Variants in TMEM232 observed in about 807,000 individuals in gnomAD.
TMEM232 encodes transmembrane protein 232.
Under a neutral mutation model 78.8 loss-of-function variants are expected in TMEM232, and 80 were observed. The ratio of observed to expected loss-of-function variants is 1.01; its 90% CI spans 0.85 to 1.22. The LOEUF is 1.22. Ranked by LOEUF, TMEM232 falls within the 50% of genes most tolerant of loss-of-function variation. TMEM232 has a pLI of 0.00. For synonymous variants in TMEM232, 297 were observed against 254.3 expected (o/e 1.17, Z -1.60); for missense variants, 881 against 742.2 (o/e 1.19, Z -2.17).
chr5:110,628,737 T>C (rs1327019498), intron 5 of TMEM232, among the ~76,000 whole-genome samples: 1 of 151,496 alleles, frequency 6.6e-6, no homozygotes, highest in East Asian at 1.9e-4. Flanking sequence ...CAGGGTATCA[T>C]GTAATGATAT....
chr5:110,484,768 T>G (rs956511208), intron 12 of TMEM232, among the ~76,000 whole-genome samples: 1 of 152,068 alleles, frequency 6.6e-6, no homozygotes, highest in Non-Finnish European at 1.5e-5. Flanking sequence ...AAGTGTTATA[T>G]ATTCTCATAA....
chr5:110,676,730 C>CA (rs1792071806), intron 1 of TMEM232, among the ~76,000 whole-genome samples: 1 of 133,580 alleles, frequency 7.5e-6, no homozygotes, highest in African/African-American at 3.0e-5. Flanking sequence ...GACCCTTCAT[C>CA]TTTTATTTAT....
chr5:110,406,996 C>T (rs1755816275), intron 2 of TMEM232, among the ~76,000 whole-genome samples: 1 of 151,802 alleles, frequency 6.6e-6, no homozygotes, highest in African/African-American at 2.4e-5. Flanking sequence ...GAAATAGATT[C>T]ACTAAAAATA....
intron 10 of TMEM232, among the ~76,000 whole-genome samples, chr5:110,576,875 A>C (rs1243494038): frequency 6.6e-6 from 1 of 152,048 alleles, no homozygotes; most frequent in African/African-American, 2.4e-5. Flanking sequence ...ACTATGTACA[A>C]AAATTCACTC....
At chr5:110,699,314 G>A (rs1795175509) in intron 1 of TMEM232, among the ~76,000 whole-genome samples, 1 of 151,796 alleles carries the variant, frequency 6.6e-6, no homozygotes, top group African/African-American at 2.4e-5. Flanking sequence ...GAGAGAAGAG[G>A]GGAAAACATA....
chr5:110,738,787 G>C (rs1174357614), upstream of TMEM232: 2 of 411,490 alleles, frequency 4.9e-6, no homozygotes. Context: ...CTCCCATGCA[G>C]GCCCTATTCC....
intron 12 of TMEM232, among the ~76,000 whole-genome samples, chr5:110,441,482 T>C (rs1411416776): frequency 2.6e-5 from 4 of 152,296 alleles, no homozygotes; most frequent in Middle Eastern, 6.8e-3. Context: ...ATTTCCATGA[T>C]GGCACCAATA....
intron 12 of TMEM232, among the ~76,000 whole-genome samples, chr5:110,505,660 C>G (rs982830390): frequency 6.6e-6 from 1 of 152,080 alleles, no homozygotes; most frequent in African/African-American, 2.4e-5. Context: ...AAGTGCACAA[C>G]CACGCCCTAA....
intron 3 of TMEM232, among the ~76,000 whole-genome samples, chr5:110,392,026 G>A (rs1755215240): frequency 6.6e-6 from 1 of 152,172 alleles, no homozygotes; most frequent in Non-Finnish European, 1.5e-5. Context: ...GAAATGGAGA[G>A]CTCATATTTC....
chr5:110,547,599 C>T (rs545719595), intron 11 of TMEM232, among the ~76,000 whole-genome samples: 84 of 152,020 alleles, frequency 5.5e-4, no homozygotes, highest in Non-Finnish European at 9.0e-4. Flanking sequence ...AAAATACTGG[C>T]GAGGAGTAAA....
chr5:110,391,229 A>G (rs145307913), intron 3 of TMEM232, among the ~76,000 whole-genome samples: 11 of 151,636 alleles, frequency 7.3e-5, no homozygotes, highest in African/African-American at 2.2e-4. Context: ...AACTCTGTCA[A>G]ACACTGCTGG....
intron 1 of TMEM232, among the ~76,000 whole-genome samples, chr5:110,715,968 A>G (rs560129897): frequency 3.3e-5 from 5 of 152,274 alleles, no homozygotes; most frequent in African/African-American, 1.2e-4. Context: ...ACCAATTGCC[A>G]ATCAGAAAAT....
At chr5:110,736,490 G>T (rs943035523) in intron 1 of TMEM232, among the ~76,000 whole-genome samples, 2 of 152,078 alleles carry the variant, frequency 1.3e-5, no homozygotes, top group African/African-American at 4.8e-5. Context: ...ATCTTTAGTA[G>T]AATTTTTAAA....
At chr5:110,435,560 C>G (rs551488690) in intron 12 of TMEM232, among the ~76,000 whole-genome samples, 3 of 151,672 alleles carry the variant, frequency 2.0e-5, no homozygotes, top group Non-Finnish European at 4.4e-5. Context: ...TTCATTCTTT[C>G]TAATTTTTGT....
chr5:110,730,762 A>G (rs1038532921), upstream of TMEM232, among the ~76,000 whole-genome samples: 2 of 152,160 alleles, frequency 1.3e-5, no homozygotes, highest in Non-Finnish European at 2.9e-5. Flanking sequence ...CCCTCCTACA[A>G]TACACGGGAA....
chr5:110,641,556 A>G (rs912673262), intron 3 of TMEM232, among the ~76,000 whole-genome samples: 58 of 152,170 alleles, frequency 3.8e-4, no homozygotes, highest in African/African-American at 1.4e-3. Context: ...CACACTTATC[A>G]AAAGTATACT....
chr5:110,701,554 C>G (rs902399115), intron 1 of TMEM232, among the ~76,000 whole-genome samples: 1 of 152,002 alleles, frequency 6.6e-6, no homozygotes, highest in East Asian at 1.9e-4. Flanking sequence ...AGCTCTCATA[C>G]TCTTTTGTCC....
intron 10 of TMEM232, among the ~76,000 whole-genome samples, chr5:110,572,602 C>T (rs1475218410): frequency 6.6e-6 from 1 of 151,916 alleles, no homozygotes; most frequent in Non-Finnish European, 1.5e-5. Flanking sequence ...AAAATGAATA[C>T]ACTTTGGTTT....
intron 1 of TMEM232, among the ~76,000 whole-genome samples, chr5:110,694,597 G>A (rs529808534): frequency 0.012 from 1,820 of 151,740 alleles, 26 homozygotes; most frequent in Non-Finnish European, 0.017. Flanking sequence ...TCAAAATAAA[G>A]GGATGGAGGA....
Sources: allele counts gnomAD v4.1 joint callset (sites outside exome capture counted in the v4.1 genomes callset), GRCh38; gene constraint gnomAD v4.1.1; transcripts MANE v1.5; gene names NCBI Gene and HGNC (gene_info 2026-07-23, HGNC 2026-07-21).